The following DAB1 variants were observed in gnomAD, a reference collection of about 807,000 sequenced individuals.
DAB1 encodes DAB adaptor protein 1.
Under a neutral mutation model 64.6 loss-of-function variants are expected in DAB1, and 15 were observed. That is an observed-to-expected ratio of 0.23 (90% confidence interval 0.16 to 0.36). The LOEUF is 0.36. Among genes scored for constraint, DAB1 ranks in the 10% least tolerant of loss-of-function variants. The pLI is 1.00. For synonymous variants in DAB1, 235 were observed against 251.9 expected (o/e 0.93, Z 0.64); for missense variants, 596 against 706.7 (o/e 0.84, Z 1.78).
chr1:57,661,130 G>GA (rs112471605), intron 6 of DAB1, among the ~76,000 whole-genome samples: 3,321 of 149,222 alleles, frequency 0.022, 110 homozygotes, highest in African/African-American at 0.077. Context: ...TAGTCTGGGG[G>GA]AAAAAAAAAA....
intron 5 of DAB1, among the ~76,000 whole-genome samples, chr1:58,055,944 T>G (rs553770284): frequency 1.0e-3 from 152 of 151,354 alleles, no homozygotes; most frequent in African/African-American, 3.6e-3. Context: ...CCCTATGTTG[T>G]TCAGGCTGGT....
At chr1:57,803,027 AC>A (rs1446818533) in intron 6 of DAB1, among the ~76,000 whole-genome samples, 3 of 152,062 alleles carry the variant, frequency 2.0e-5, no homozygotes, top group African/African-American at 7.2e-5. Context: ...GCTGGGGCAG[AC>A]CCTGAAGGAG....
chr1:57,562,235 T>G (rs1376326580), intron 7 of DAB1, among the ~76,000 whole-genome samples: 1 of 152,160 alleles, frequency 6.6e-6, no homozygotes, highest in Non-Finnish European at 1.5e-5. Context: ...TAGCCAGGTG[T>G]GCTGGAGGAT....
At chr1:58,167,651 T>A (rs949339219) in intron 4 of DAB1, among the ~76,000 whole-genome samples, 2 of 152,234 alleles carry the variant, frequency 1.3e-5, no homozygotes, top group Admixed American at 1.3e-4. Context: ...GCTCACTCTT[T>A]GGGTCCGCAT....
chr1:58,466,926 T>C (rs764136674), intron 3 of DAB1, among the ~76,000 whole-genome samples: 1 of 152,174 alleles, frequency 6.6e-6, no homozygotes, highest in Non-Finnish European at 1.5e-5. Flanking sequence ...CAGTAGTGCC[T>C]GGAATGCAGG....
chr1:57,198,657 A>T (rs61765567), intron 2 of DAB1, among the ~76,000 whole-genome samples: 37,592 of 131,888 alleles, frequency 0.29, 5,616 homozygotes, highest in Middle Eastern at 0.36. Flanking sequence ...TCTCACACAC[A>T]CACACACACA....
intron 7 of DAB1, among the ~76,000 whole-genome samples, chr1:57,540,767 T>A (rs980645845): frequency 6.6e-6 from 1 of 152,096 alleles, no homozygotes. Flanking sequence ...CATAAGCTGA[T>A]CTCATGGAGG....
intron 5 of DAB1, among the ~76,000 whole-genome samples, chr1:58,051,069 T>C (rs926889760): frequency 2.0e-5 from 3 of 152,174 alleles, no homozygotes; most frequent in African/African-American, 7.2e-5. Context: ...ATATATATAC[T>C]TTAAGTTCTA....
intron 2 of DAB1, among the ~76,000 whole-genome samples, chr1:57,227,237 C>T (rs1056012740): frequency 3.9e-5 from 6 of 152,100 alleles, no homozygotes; most frequent in Admixed American, 3.3e-4. Context: ...TTACTTCACC[C>T]TGACAAGATT....
At chr1:58,310,880 A>T (rs1662415728) in intron 4 of DAB1, among the ~76,000 whole-genome samples, 1 of 152,128 alleles carries the variant, frequency 6.6e-6, no homozygotes, top group African/African-American at 2.4e-5. Flanking sequence ...GAGGTCAGGT[A>T]AAAAGGTAAC....
chr1:58,096,298 T>C (rs1269480884), intron 5 of DAB1, among the ~76,000 whole-genome samples: 1 of 152,242 alleles, frequency 6.6e-6, no homozygotes, highest in Non-Finnish European at 1.5e-5. Flanking sequence ...CATACTATGA[T>C]AATTTCTAAT....
At chr1:58,033,133 G>C (rs954386384) in intron 5 of DAB1, among the ~76,000 whole-genome samples, 1 of 152,158 alleles carries the variant, frequency 6.6e-6, no homozygotes, top group Admixed American at 6.5e-5. Context: ...GATACAATAT[G>C]GGTTCCCAGG....
At chr1:57,591,973 G>A (rs564408759) in intron 7 of DAB1, among the ~76,000 whole-genome samples, 6 of 152,302 alleles carry the variant, frequency 3.9e-5, no homozygotes, top group African/African-American at 1.4e-4. Context: ...ACTCTGTGAT[G>A]TTTTTCTCAG....
intron 14 of DAB1, among the ~76,000 whole-genome samples, chr1:57,002,839 G>A (rs556780754): frequency 6.6e-6 from 1 of 152,280 alleles, no homozygotes; most frequent in South Asian, 2.1e-4. Context: ...GGTACTTAAC[G>A]TCTTTGGGTG....
At chr1:57,786,129 A>C (rs1306678851) in intron 6 of DAB1, among the ~76,000 whole-genome samples, 1 of 152,276 alleles carries the variant, frequency 6.6e-6, no homozygotes, top group South Asian at 2.1e-4. Flanking sequence ...TTAGCAACAA[A>C]GTATTTTCTA....
At position 57,498,162 on chromosome 1, in the gene DAB1, C is replaced by T. The variant is rs567109711; in HGVS notation, n.625+151430G>A. ...AGAGATGGAGAATCCTGGAAGAGGA[C>T]CAGATCATGAATCCTGTTTTGGGTA... is the stretch of plus-strand genomic sequence containing the variant. On this transcript the variant is annotated intron_variant and non_coding_transcript_variant, in intron 7 of 20. Transcript: ENST00000485760. 8.5e-5 allele frequency among the ~76,000 whole-genome samples: 13 copies of T among 152,256 alleles called. No individual in the cohort carries two copies. In the South Asian group the frequency reaches 2.7e-3, roughly 32 times the overall value.
chr1:57,749,609 T>C (rs534200704), intron 6 of DAB1, among the ~76,000 whole-genome samples: 5 of 152,284 alleles, frequency 3.3e-5, no homozygotes, highest in Admixed American at 6.5e-5. Flanking sequence ...CCACTCCCTG[T>C]AGTGTTACAT....
intron 2 of DAB1, among the ~76,000 whole-genome samples, chr1:57,226,672 A>AT (rs1553158266): frequency 1.6e-3 from 219 of 135,996 alleles, no homozygotes; most frequent in Middle Eastern, 0.015. Context: ...TTAAAAAAAA[A>AT]ATATATATAT....
rs533292727 is a variant in DAB1, at chr1:57,341,325, G to A, written c.-136-50159C>T. ...TCATTCTCTATCACACAGCTGGGAA[G>A]AAGCTGGGAGATTATCTAGCACCAA... On this transcript the variant is annotated intron_variant, in intron 1 of 14. Coordinates refer to ENST00000371236, the MANE Select transcript of DAB1 (RefSeq NM_001365792.1). 1.6e-3 allele frequency among the ~76,000 whole-genome samples: 244 copies of A among 152,298 alleles called. 1 individual carries two copies. Among genetic ancestry groups the A allele is most frequent in the Middle Eastern group, 0.01 (3 of 294 alleles).
Sources: allele counts gnomAD v4.1 joint callset (sites outside exome capture counted in the v4.1 genomes callset), GRCh38; gene constraint gnomAD v4.1.1; transcripts MANE v1.5; gene names NCBI Gene and HGNC (gene_info 2026-07-23, HGNC 2026-07-21).